Variants in KCNH7 observed in about 807,000 individuals in gnomAD.
KCNH7 encodes the protein voltage-gated inwardly rectifying potassium channel KCNH7.
In KCNH7, 49 loss-of-function variants were observed where a neutral mutation model predicts 120.8. The observed-to-expected ratio is 0.41, with a 90% CI of 0.32 to 0.51. The LOEUF is 0.51. Ranked by LOEUF, KCNH7 falls within the 20% of genes least tolerant of loss-of-function variation. The probability of loss-of-function intolerance (pLI) is 0.38; values close to 1 mark genes in which losing one functional copy is unlikely to be tolerated. For missense variants in KCNH7, 1,097 were observed against 1,446.6 expected (o/e 0.76, Z 3.92); for synonymous variants, 547 against 516.1 (o/e 1.06, Z -0.81).
rs181095173 is a variant in KCNH7 at position 162,505,325 on chromosome 2, A to C, written c.914-668T>G. ...ATTTTTAGATCCTTTTTTTTCTTTC[A>C]CTTATGTTTAAGTCTTGACCACTTT... On this transcript the variant is annotated intron_variant, in intron 5 of 15. Transcript: ENST00000332142. 2.0e-5 allele frequency among the ~76,000 whole-genome samples: 3 copies of C among 151,338 alleles called. No individual in the cohort carries two copies. In the East Asian group the frequency reaches 5.9e-4, roughly 30 times the overall value.
At chr2:162,621,669 G>A (rs879621303) in intron 2 of KCNH7, among the ~76,000 whole-genome samples, 3 of 152,096 alleles carry the variant, frequency 2.0e-5, no homozygotes, top group Non-Finnish European at 4.4e-5. Context: ...GTGCCAGTGT[G>A]TATATGTATA....
intron 6 of KCNH7, among the ~76,000 whole-genome samples, chr2:162,459,748 T>C (rs757720963): frequency 3.9e-5 from 6 of 152,086 alleles, no homozygotes; most frequent in Non-Finnish European, 2.9e-5. Context: ...GTGAACCAGC[T>C]CACCCATTGG....
At chr2:162,536,007 A>G (rs1301944689) in intron 3 of KCNH7, among the ~76,000 whole-genome samples, 1 of 151,866 alleles carries the variant, frequency 6.6e-6, no homozygotes, top group Non-Finnish European at 1.5e-5. Flanking sequence ...ATACACCAAA[A>G]TAAGCTTACA....
At chr2:162,764,405 AT>A (rs1381432747) in intron 2 of KCNH7, among the ~76,000 whole-genome samples, 1 of 152,160 alleles carries the variant, frequency 6.6e-6, no homozygotes, top group Admixed American at 6.6e-5. Context: ...CTCCTTCATA[AT>A]ATTTTATAGA....
At chr2:162,483,020 G>A (rs1313150899) in intron 6 of KCNH7, among the ~76,000 whole-genome samples, 1 of 152,054 alleles carries the variant, frequency 6.6e-6, no homozygotes, top group African/African-American at 2.4e-5. Context: ...AAGGAGAATG[G>A]GAATGAAGAA....
intron 2 of KCNH7, among the ~76,000 whole-genome samples, chr2:162,574,586 T>C (rs79693847): frequency 0.044 from 6,677 of 152,164 alleles, 291 homozygotes; most frequent in East Asian, 0.11. Context: ...TGGGTTTTCA[T>C]GTAAGTATTC....
At chr2:162,755,008 AC>A (rs1255774175) in intron 2 of KCNH7, among the ~76,000 whole-genome samples, 1 of 147,232 alleles carries the variant, frequency 6.8e-6, no homozygotes, top group African/African-American at 2.7e-5. Flanking sequence ...TCCCAGAAAT[AC>A]AAAGCTTCCT....
intron 2 of KCNH7, among the ~76,000 whole-genome samples, chr2:162,834,224 G>T (rs532635819): frequency 1.3e-5 from 2 of 152,056 alleles, no homozygotes; most frequent in Non-Finnish European, 2.9e-5. Context: ...ACACACTGAA[G>T]ATTCTATCCA....
At chr2:162,548,828 T>C (rs1021472890) in intron 2 of KCNH7, among the ~76,000 whole-genome samples, 1 of 152,188 alleles carries the variant, frequency 6.6e-6, no homozygotes, top group African/African-American at 2.4e-5. Flanking sequence ...GATGATTAAA[T>C]AAGCAGTATC....
At chr2:162,682,198 C>T (rs1685734379) in intron 2 of KCNH7, among the ~76,000 whole-genome samples, 1 of 151,534 alleles carries the variant, frequency 6.6e-6, no homozygotes. Context: ...AAAATTCATC[C>T]ATTCATTGAA....
At chr2:162,429,381 G>GTTTTTTTTTTTTTTTTTTTT (rs1158431426) in intron 8 of KCNH7, among the ~76,000 whole-genome samples, 3 of 43,410 alleles carry the variant, frequency 6.9e-5, no homozygotes, top group African/African-American at 2.9e-4. Context: ...TGAGGAAAAA[G>GTTTTTTTTTTTTTTTTTTTT]TCTTTTTTTT....
In KCNH7 at chr2:162,542,159, C is replaced by CT. The variant is rs903749200; in HGVS notation, c.308-5080dup. On this transcript the variant is annotated intron_variant, in intron 2 of 15. Transcript: ENST00000332142. ...TTTAGAAAGACTATTCTATATCTCT[C>CT]TTTTTTTTTTTACTATTTACTTAGG... 5.4e-3 allele frequency among the ~76,000 whole-genome samples: 771 copies of CT among 141,910 alleles called. 7 individuals carry two copies. The highest frequency in any genetic ancestry group is 0.014 in the South Asian group (63 of 4,466). 93.1% of individuals were successfully genotyped at this position (141,910 alleles called of 152,430 possible).
chr2:162,775,270 A>C (rs984628378), intron 2 of KCNH7, among the ~76,000 whole-genome samples: 1 of 152,152 alleles, frequency 6.6e-6, no homozygotes, highest in African/African-American at 2.4e-5. Flanking sequence ...TTTGAACTAT[A>C]TTGTACTTTT....
intron 2 of KCNH7, among the ~76,000 whole-genome samples, chr2:162,588,639 G>A (rs1040484868): frequency 1.4e-4 from 21 of 151,942 alleles, no homozygotes; most frequent in African/African-American, 4.8e-4. Flanking sequence ...TATTTATGGG[G>A]TACATAGTGA....
Position 162,512,596 on chromosome 2 carries a change from A to G in KCNH7, c.913+58T>C, listed in dbSNP as rs1376094497. 3 of 1,510,370 alleles carry G rather than the reference A, an allele frequency of 2.0e-6. No individual in the cohort carries two copies. In the East Asian group the frequency reaches 6.8e-5, roughly 34 times the overall value. 93.6% of individuals were successfully genotyped at this position (1,510,370 alleles called of 1,614,324 possible). A position where few individuals can be genotyped will look rare whatever the true frequency, so the allele number is the denominator to read the frequency against. Reference sequence around the variant, plus strand: ...CAGGGCATACAGCAGGCAAGTTAACATGCCGAGTAAAGGGGCAGGTTGAAC... The same window carrying G: ...CAGGGCATACAGCAGGCAAGTTAACGTGCCGAGTAAAGGGGCAGGTTGAAC... On this transcript the variant is annotated intron_variant, in intron 5 of 15. Transcript: ENST00000332142.
At chr2:162,444,155 T>C (rs189937994) in intron 7 of KCNH7, among the ~76,000 whole-genome samples, 232 of 152,236 alleles carry the variant, frequency 1.5e-3, no homozygotes, top group African/African-American at 5.3e-3. Context: ...TGCACTGTGT[T>C]TGTTGGTTTG....
At chr2:162,436,200 G>A (rs971648460) in intron 7 of KCNH7, among the ~76,000 whole-genome samples, 1 of 152,054 alleles carries the variant, frequency 6.6e-6, no homozygotes, top group African/African-American at 2.4e-5. Context: ...AGACCAAGAA[G>A]GGCCTTGCTG....
chr2:162,670,732 C>CAA (rs1221173430), intron 2 of KCNH7, among the ~76,000 whole-genome samples: 1 of 147,060 alleles, frequency 6.8e-6, no homozygotes, highest in Admixed American at 6.8e-5. Context: ...GAAATAAGAC[C>CAA]AAAAAAAACC....
chr2:162,491,316 G>C (rs1312809867), intron 6 of KCNH7, among the ~76,000 whole-genome samples: 1 of 152,214 alleles, frequency 6.6e-6, no homozygotes, highest in African/African-American at 2.4e-5. Context: ...AGTGCCAGGA[G>C]TTAACACAGC....
Sources: gnomAD v4.1 joint callset for allele counts (sites outside exome capture counted in the v4.1 genomes callset) on GRCh38, gnomAD v4.1.1 for gene constraint, MANE v1.5 for transcripts, NCBI Gene and HGNC (gene_info 2026-07-23, HGNC 2026-07-21) for gene names.